CSMD1: variants seen among roughly 807,000 people sequenced by gnomAD.
CSMD1 encodes the protein CUB and sushi domain-containing protein 1.
A neutral mutation model predicts 417.5 loss-of-function variants in CSMD1; 213 were observed. That is an observed-to-expected ratio of 0.51 (90% CI 0.46 to 0.57). CSMD1 has a LOEUF of 0.57. Among genes scored for constraint, CSMD1 ranks in the 20% least tolerant of loss-of-function variants. The probability of loss-of-function intolerance (pLI) is 0.00; values close to 1 mark genes in which losing one functional copy is unlikely to be tolerated. For missense variants in CSMD1, 6,923 were observed against 4,529.7 expected (o/e 1.53, Z -15.17); for synonymous variants, 2,862 against 1,736.8 (o/e 1.65, Z -16.11).
chr8:4,552,890 C>G (rs890174324), intron 2 of CSMD1, among the ~76,000 whole-genome samples: 1 of 152,180 alleles, frequency 6.6e-6, no homozygotes, highest in Non-Finnish European at 1.5e-5. Context: ...TAAACCTCTT[C>G]CCTAGGAACA....
At chr8:3,877,076 T>A (rs1174051468) in intron 5 of CSMD1, among the ~76,000 whole-genome samples, 1 of 152,236 alleles carries the variant, frequency 6.6e-6, no homozygotes. Flanking sequence ...GTCTTAAGGT[T>A]CTTACAAGGG....
intron 3 of CSMD1, among the ~76,000 whole-genome samples, chr8:4,351,876 T>C (rs1250108924): frequency 2.0e-5 from 3 of 151,750 alleles, no homozygotes; most frequent in Non-Finnish European, 4.4e-5. Context: ...CGACAGGACT[T>C]GTATGTGGAT....
At chr8:4,810,109 A>G (rs779616051) in intron 1 of CSMD1, among the ~76,000 whole-genome samples, 3 of 152,258 alleles carry the variant, frequency 2.0e-5, no homozygotes, top group Admixed American at 1.3e-4. Flanking sequence ...CTTTAGAAAC[A>G]CAAAACCTTA....
chr8:2,992,232 C>G (rs1227947356), intron 54 of CSMD1, among the ~76,000 whole-genome samples: 1 of 151,794 alleles, frequency 6.6e-6, no homozygotes, highest in Non-Finnish European at 1.5e-5. Context: ...TGCACACATG[C>G]CACACTCATT....
intron 2 of CSMD1, among the ~76,000 whole-genome samples, chr8:4,456,694 T>G (rs1490802990): frequency 6.6e-6 from 1 of 152,098 alleles, no homozygotes; most frequent in East Asian, 1.9e-4. Flanking sequence ...CTGGCTCTGG[T>G]GGAAGAAACA....
chr8:4,734,344 T>C (rs1435848891), intron 1 of CSMD1, among the ~76,000 whole-genome samples: 1 of 152,184 alleles, frequency 6.6e-6, no homozygotes, highest in Non-Finnish European at 1.5e-5. Flanking sequence ...TATAGCTTAT[T>C]ATATAGTTAT....
At chr8:4,065,801 T>A (rs891536976) in intron 3 of CSMD1, among the ~76,000 whole-genome samples, 3 of 152,210 alleles carry the variant, frequency 2.0e-5, no homozygotes, top group African/African-American at 7.2e-5. Flanking sequence ...AGAAAATAAC[T>A]GTACTGCTTG....
intron 3 of CSMD1, among the ~76,000 whole-genome samples, chr8:4,341,753 A>G (rs889723307): frequency 6.6e-6 from 1 of 152,124 alleles, no homozygotes; most frequent in South Asian, 2.1e-4. Flanking sequence ...GTTAGGGTGC[A>G]TTAATAATGG....
chr8:3,766,316 T>A (rs973695736), intron 5 of CSMD1, among the ~76,000 whole-genome samples: 1 of 152,136 alleles, frequency 6.6e-6, no homozygotes, highest in African/African-American at 2.4e-5. Flanking sequence ...CAGATCACAC[T>A]GGTATTAAAA....
intron 3 of CSMD1, among the ~76,000 whole-genome samples, chr8:4,120,264 G>T (rs1585356849): frequency 6.6e-6 from 1 of 151,060 alleles, no homozygotes; most frequent in African/African-American, 2.4e-5. Flanking sequence ...AAGGATTTGG[G>T]GTAAAGAAGG....
intron 3 of CSMD1, among the ~76,000 whole-genome samples, chr8:4,248,295 C>T (rs1381683665): frequency 6.6e-6 from 1 of 152,096 alleles, no homozygotes; most frequent in Non-Finnish European, 1.5e-5. Context: ...TACAAACAAT[C>T]TGAATTTATA....
At chr8:4,144,789 G>A (rs1804010648) in intron 3 of CSMD1, among the ~76,000 whole-genome samples, 2 of 151,112 alleles carry the variant, frequency 1.3e-5, no homozygotes, top group Middle Eastern at 3.4e-3. Flanking sequence ...TTACCAGGTT[G>A]TCAGTAAGAG....
chr8:4,879,464 G>C (rs1259215121), intron 1 of CSMD1, among the ~76,000 whole-genome samples: 2 of 152,088 alleles, frequency 1.3e-5, no homozygotes, highest in East Asian at 1.9e-4. Context: ...TATTTTAGGA[G>C]CTACTTTGAA....
intron 2 of CSMD1, among the ~76,000 whole-genome samples, chr8:4,516,810 T>C (rs1803152920): frequency 6.6e-6 from 1 of 152,204 alleles, no homozygotes; most frequent in Non-Finnish European, 1.5e-5. Flanking sequence ...GAGGTATTTA[T>C]TAAATATTTA....
intron 3 of CSMD1, among the ~76,000 whole-genome samples, chr8:4,116,451 G>T (rs918341588): frequency 6.9e-6 from 1 of 144,920 alleles, no homozygotes; most frequent in African/African-American, 2.6e-5. Flanking sequence ...GAGTGCAGGT[G>T]CCTGAATGGA....
chr8:4,588,779 G>GACACAC lies in CSMD1; in HGVS notation c.302+48557_302+48562dup, dbSNP rs10576784. 1.2e-3 allele frequency among the ~76,000 whole-genome samples: 183 copies of GACACAC among 146,464 alleles called. 1 individual carries two copies. In the South Asian group the frequency reaches 0.017, roughly 13 times the overall value. ...CAGCCTGGCGACAGAGCAAGACTCC[G>GACACAC]ACACACACACACACACACACACACA... On this transcript the variant is annotated intron_variant, in intron 2 of 69. Coordinates refer to ENST00000635120, the MANE Select transcript of CSMD1 (RefSeq NM_033225.6).
intron 46 of CSMD1, 102 bp downstream of exon 46, chr8:3,106,426 T>C (rs1816152605): frequency 1.5e-6 from 1 of 648,074 alleles, no homozygotes; most frequent in Non-Finnish European, 2.6e-6. Context: ...AATAAACAAA[T>C]AAATAAGTTC....
chr8:3,248,432 A>C (rs1025307504), intron 26 of CSMD1, among the ~76,000 whole-genome samples: 2 of 151,608 alleles, frequency 1.3e-5, no homozygotes, highest in African/African-American at 4.8e-5. Flanking sequence ...AGAATAAGGG[A>C]AATGGCTGGA....
chr8:4,558,189 G>T (rs1405478458), intron 2 of CSMD1, among the ~76,000 whole-genome samples: 2 of 152,118 alleles, frequency 1.3e-5, no homozygotes, highest in Non-Finnish European at 2.9e-5. Flanking sequence ...ATCTAAACAA[G>T]AGCAGGATGT....
Sources: gnomAD v4.1 joint callset for allele counts (sites outside exome capture counted in the v4.1 genomes callset) on GRCh38, gnomAD v4.1.1 for gene constraint, MANE v1.5 for transcripts, NCBI Gene and HGNC (gene_info 2026-07-23, HGNC 2026-07-21) for gene names.